The following CACNA1I variants were observed in gnomAD, a reference collection of about 807,000 sequenced individuals.
CACNA1I encodes the protein voltage-dependent T-type calcium channel subunit alpha-1I.
Under a neutral mutation model 201.6 loss-of-function variants are expected in CACNA1I, and 74 were observed. The ratio of observed to expected loss-of-function variants is 0.37; its 90% confidence interval spans 0.30 to 0.45. CACNA1I has a LOEUF of 0.45. Ranked by LOEUF, CACNA1I falls within the 20% of genes least tolerant of loss-of-function variation. The probability of loss-of-function intolerance (pLI) is 1.00; values close to 1 mark genes in which losing one functional copy is unlikely to be tolerated. For synonymous variants in CACNA1I, 1,431 were observed against 1,345.2 expected (o/e 1.06, Z -1.40); for missense variants, 2,346 against 3,138.1 (o/e 0.75, Z 6.03).
chr22:39,594,888 A>C (rs965406579), intron 1 of CACNA1I, among the ~76,000 whole-genome samples: 8 of 152,202 alleles, frequency 5.3e-5, no homozygotes, highest in Non-Finnish European at 1.0e-4. Context: ...AGCCACAAAT[A>C]GCACTGAACC....
chr22:39,574,081 C>A (rs1213730290), intron 1 of CACNA1I, among the ~76,000 whole-genome samples: 5 of 152,170 alleles, frequency 3.3e-5, no homozygotes, highest in Non-Finnish European at 1.5e-5. Flanking sequence ...TGTGGCGACT[C>A]AAAAGCACAG....
chr22:39,587,690 C>T (rs1367623393), intron 1 of CACNA1I: 2 of 445,240 alleles, frequency 4.5e-6, no homozygotes, highest in East Asian at 1.5e-4. Flanking sequence ...CCCATTCCTG[C>T]AGGTTGTTGT....
intron 8 of CACNA1I, 145 bp from the exon 9 acceptor site, chr22:39,647,677 G>C: frequency 1.6e-6 from 1 of 620,314 alleles, no homozygotes; most frequent in South Asian, 1.9e-5. Context: ...GCCTCCCAAA[G>C]TGCTAGGATT....
intron 1 of CACNA1I, among the ~76,000 whole-genome samples, chr22:39,589,401 G>T (rs1480235016): frequency 6.6e-6 from 1 of 152,224 alleles, no homozygotes; most frequent in African/African-American, 2.4e-5. Context: ...CAGAGTGGTT[G>T]CTGCCTGTTT....
chr22:39,636,766 G>A (rs1328619919), intron 5 of CACNA1I, among the ~76,000 whole-genome samples: 2 of 152,212 alleles, frequency 1.3e-5, no homozygotes, highest in African/African-American at 4.8e-5. Context: ...AGTTGGGCAG[G>A]GGAATTCCTC....
intron 5 of CACNA1I, among the ~76,000 whole-genome samples, chr22:39,636,887 G>A (rs1934232736): frequency 6.6e-6 from 1 of 152,202 alleles, no homozygotes; most frequent in African/African-American, 2.4e-5. Context: ...GGCGGAGAAG[G>A]GCCCTTCCTG....
intron 20 of CACNA1I, 114 bp downstream of exon 20, chr22:39,664,273 G>A: frequency 1.2e-6 from 1 of 852,032 alleles, no homozygotes; most frequent in Non-Finnish European, 1.9e-6. Flanking sequence ...TTCACTCGTA[G>A]CCCCATGGCC....
Position 39,647,916 on chromosome 22 carries a change from C to T in CACNA1I, c.1557C>T (p.His519=). 3 of 1,613,392 alleles carry T rather than the reference C, an allele frequency of 1.9e-6. No homozygotes were observed. The highest frequency in any genetic ancestry group is 1.1e-5 in the South Asian group (1 of 91,078). The part of the protein sequence containing the change: ...LHGPASPGND[H]SGRELCPQHS... Reference sequence around the variant, plus strand: ...GGCCTGCCTCCCCTGGAAATGATCACTCGGGAAGAGGCAAGCCAGGGCCAC... The same window carrying T: ...GGCCTGCCTCCCCTGGAAATGATCATTCGGGAAGAGGCAAGCCAGGGCCAC... Residue 519 remains histidine, a synonymous_variant, in exon 9 of 37, where the codon CAC becomes CAT. Coordinates refer to ENST00000402142, the MANE Select transcript of CACNA1I (RefSeq NM_021096.4).
chr22:39,662,077 C>A lies in CACNA1I; in HGVS notation c.3014C>A (p.Ser1005Tyr). ...AAGCCGCCGTCGGCGGAGCATGAGT[C>A]CCTGCTCTCTGCGGAGCGCGGCGGC... is the stretch of plus-strand genomic sequence containing the variant. ...KHKPPSAEHESLLSAERGGGA... is the reference protein window; with the variant it reads ...KHKPPSAEHEYLLSAERGGGA... The change falls in exon 17 of 37, where the codon TCC becomes TAC. Residue 1005 changes from serine to tyrosine, a missense_variant. Transcript: ENST00000402142. The A allele has an allele frequency of 6.5e-7, 1 of 1,541,950 alleles. No homozygotes were observed. The highest frequency in any genetic ancestry group is 8.7e-7 in the Non-Finnish European group (1 of 1,148,672).
intron 1 of CACNA1I, among the ~76,000 whole-genome samples, chr22:39,576,611 G>T (rs1293021386): frequency 6.6e-6 from 1 of 152,222 alleles, no homozygotes; most frequent in Non-Finnish European, 1.5e-5. Context: ...TGCATAGTGC[G>T]GAAGCCAGTC....
Position 39,686,424 on chromosome 22 carries a change from GCCGCCCACCGC to G in CACNA1I, c.*26_*36del. Reference sequence around the variant, plus strand: ...GAGATGAGGGTCGCAGGGGCCCCCGGCCGCCCACCGCCCGCCCCGTCTCACCTTCTTTACCT... The same window carrying G: ...GAGATGAGGGTCGCAGGGGCCCCCGGCCGCCCCGTCTCACCTTCTTTACCT... On this transcript the variant is annotated 3_prime_UTR_variant, in exon 37 of 37. Coordinates refer to ENST00000402142, the MANE Select transcript of CACNA1I (RefSeq NM_021096.4). The G allele has an allele frequency of 1.6e-6, 2 of 1,224,214 alleles. No individual in the cohort carries two copies. Among genetic ancestry groups the G allele is most frequent in the Non-Finnish European group, 2.0e-6 (2 of 977,618 alleles). 75.8% of individuals were successfully genotyped at this position (1,224,214 alleles called of 1,614,324 possible).
chr22:39,642,447 G>A (rs769582463), intron 6 of CACNA1I, among the ~76,000 whole-genome samples: 3 of 151,888 alleles, frequency 2.0e-5, no homozygotes, highest in African/African-American at 4.8e-5. Flanking sequence ...CAGAAGAAGC[G>A]GCTGAGACTC....
At chr22:39,682,364 G>C (rs1935730280) in intron 34 of CACNA1I, 132 bp from the exon 35 acceptor site, 1 of 695,012 alleles carries the variant, frequency 1.4e-6, no homozygotes, top group South Asian at 1.9e-5. Flanking sequence ...AGGTAGAGGA[G>C]GTGAGAGGAA....
intron 4 of CACNA1I, among the ~76,000 whole-genome samples, chr22:39,630,628 G>A (rs1934033865): frequency 6.6e-6 from 1 of 152,266 alleles, no homozygotes. Flanking sequence ...TTCCAGCGGG[G>A]AGGAGGAGGC....
At chr22:39,583,411 T>C (rs1932647346) in intron 1 of CACNA1I, among the ~76,000 whole-genome samples, 1 of 151,226 alleles carries the variant, frequency 6.6e-6, no homozygotes, top group Non-Finnish European at 1.5e-5. Context: ...CATCCACCCA[T>C]TTAGCCATCC....
At chr22:39,574,134 T>A (rs888463657) in intron 1 of CACNA1I, among the ~76,000 whole-genome samples, 1 of 152,184 alleles carries the variant, frequency 6.6e-6, no homozygotes, top group Non-Finnish European at 1.5e-5. Context: ...GACTGAAAAC[T>A]TCTGCGACAG....
chr22:39,686,471 G>A lies in CACNA1I; in HGVS notation c.*66G>A. The A allele has an allele frequency of 9.0e-7, 1 of 1,115,170 alleles. No homozygotes were observed. The highest frequency in any genetic ancestry group is 1.1e-6 in the Non-Finnish European group (1 of 884,086). The allele number at this position is 1,115,170 out of a possible 1,614,324, so 69.1% of individuals were successfully genotyped here. On this transcript the variant is annotated 3_prime_UTR_variant, in exon 37 of 37. Transcript: ENST00000402142. ...TCACCTTCTTTACCTCAGGAGCCAG[G>A]AGCAGACAGCAATACTTCGTCCACA...
At chr22:39,635,844 T>G (rs136815) in intron 5 of CACNA1I, among the ~76,000 whole-genome samples, 1 of 152,086 alleles carries the variant, frequency 6.6e-6, no homozygotes, top group South Asian at 2.1e-4. Flanking sequence ...TCAGCCCACC[T>G]GACACCTCCT....
chr22:39,627,405 A>G (rs1026430946), intron 4 of CACNA1I, among the ~76,000 whole-genome samples: 7 of 152,188 alleles, frequency 4.6e-5, no homozygotes, highest in African/African-American at 1.7e-4. Flanking sequence ...TCCTGTGCAG[A>G]CGCCCCTGTG....
Sources: allele counts gnomAD v4.1 joint callset (sites outside exome capture counted in the v4.1 genomes callset), GRCh38; gene constraint gnomAD v4.1.1; transcripts MANE v1.5; gene names NCBI Gene and HGNC (gene_info 2026-07-23, HGNC 2026-07-21).